Variants in CCDC181 observed in about 807,000 individuals in gnomAD.
CCDC181 encodes coiled-coil domain-containing protein 181.
CCDC181 carries 35 observed loss-of-function variants against 58.7 expected under a neutral mutation model. The ratio of observed to expected loss-of-function variants is 0.60; its 90% CI spans 0.46 to 0.79. CCDC181 has a LOEUF of 0.79. CCDC181 is among the 30% of genes least tolerant of loss of function. The pLI is 0.00. For synonymous variants in CCDC181, 183 were observed against 197.5 expected (o/e 0.93, Z 0.62); for missense variants, 517 against 583.9 (o/e 0.89, Z 1.18).
At chr1:169,424,126 A>C (rs551341892) in intron 2 of CCDC181, among the ~76,000 whole-genome samples, 1 of 152,062 alleles carries the variant, frequency 6.6e-6, no homozygotes, top group East Asian at 1.9e-4. Flanking sequence ...ATACATATGC[A>C]TATATACATA....
intron 4 of CCDC181, among the ~76,000 whole-genome samples, chr1:169,408,453 G>A (rs1655792457): frequency 6.6e-6 from 1 of 152,216 alleles, no homozygotes; most frequent in Non-Finnish European, 1.5e-5. Context: ...GGGGGAAGGG[G>A]TGGCTGCGGG....
At position 169,397,361 on chromosome 1, in the gene CCDC181, GA is replaced by G. The variant is rs1315566219; in HGVS notation, c.1245del (p.Arg416AspfsTer12). 1.2e-6 allele frequency: 2 copies of G among 1,605,618 alleles called. No individual in the cohort carries two copies. On this transcript the variant is annotated frameshift_variant, in exon 5 of 6. Coordinates refer to ENST00000367806, the MANE Select transcript of CCDC181 (RefSeq NM_001300969.2). LOFTEE classifies it high-confidence loss of function. Reference protein sequence around the residue: ...RQENRDPQQAFRLWLKKKHEE... With the variant: ...RQENRDPQQAXRLWLKKKHEE... ...TCGTGCTTTTTTTTAAGCCATAATC[GA>G]AAAGCTTGTTGTGGATCTCTGTTTT...
At chr1:169,434,660 G>A (rs531503357) in intron 2 of CCDC181, among the ~76,000 whole-genome samples, 8 of 148,652 alleles carry the variant, frequency 5.4e-5, no homozygotes, top group African/African-American at 1.5e-4. Context: ...AAGACATTAC[G>A]CTAGGTAAAA....
chr1:169,430,759 G>C (rs1656898055), upstream of CCDC181, among the ~76,000 whole-genome samples: 1 of 152,118 alleles, frequency 6.6e-6, no homozygotes, highest in African/African-American at 2.4e-5. Context: ...CCACAATGTG[G>C]CAACAGGCAT....
At chr1:169,454,375 G>T (rs758606862) in intron 2 of CCDC181, 2 of 152,000 alleles carry the variant, frequency 1.3e-5, no homozygotes, top group Admixed American at 6.6e-5. Flanking sequence ...ACTCAAAAAA[G>T]ATTTTACAAA....
At position 169,395,068 on chromosome 1, in the gene CCDC181, A is replaced by G. The variant is rs1051288646; in HGVS notation, c.1509T>C (p.Arg503=). Residue 503 remains arginine (R), a synonymous_variant, in exon 6 of 6, where the codon CGT becomes CGC. Coordinates refer to ENST00000367806, the MANE Select transcript of CCDC181 (RefSeq NM_001300969.2). ...HLYMSEAKPF[R]FTDHYN is the part of the protein sequence containing the mutation. ...ACTTTCAGTTATAATGATCAGTAAA[A>G]CGAAAAGGTTTGGCTTCTGACATAT... 2 of 1,598,824 alleles carry G rather than the reference A, an allele frequency of 1.3e-6. No homozygotes were observed. The highest frequency in any genetic ancestry group is 1.4e-5 in the African/African-American group (1 of 74,018).
intron 5 of CCDC181, among the ~76,000 whole-genome samples, 196 bp downstream of exon 5, chr1:169,397,041 T>TAA (rs561830042): frequency 2.7e-5 from 4 of 150,832 alleles, no homozygotes; most frequent in Non-Finnish European, 5.9e-5. Flanking sequence ...TATATATATA[T>TAA]AACTCCATAT....
intron 4 of CCDC181, among the ~76,000 whole-genome samples, chr1:169,404,598 A>C (rs142598747): frequency 0.12 from 18,909 of 152,116 alleles, 1,221 homozygotes; most frequent in Admixed American, 0.14. Context: ...AGGCCTTCGA[A>C]AAAATTCAAC....
intron 3 of CCDC181, 28 bp downstream of exon 3, chr1:169,421,335 T>A (rs774040549): frequency 1.3e-6 from 2 of 1,512,508 alleles, no homozygotes; most frequent in East Asian, 4.5e-5. Context: ...TACTCTACTT[T>A]TAATATAATG....
At chr1:169,424,167 T>C (rs1486699969) in intron 2 of CCDC181, among the ~76,000 whole-genome samples, 6 of 151,932 alleles carry the variant, frequency 3.9e-5, no homozygotes, top group African/African-American at 1.4e-4. Flanking sequence ...ATATACACAT[T>C]ATACACATGT....
chr1:169,454,710 G>A (rs1184054481), intron 2 of CCDC181: 1 of 151,726 alleles, frequency 6.6e-6, no homozygotes, highest in Non-Finnish European at 1.5e-5. Flanking sequence ...AAATTTAAAA[G>A]TATAAAATAA....
intron 2 of CCDC181, among the ~76,000 whole-genome samples, chr1:169,440,409 G>A (rs556264771): frequency 6.6e-6 from 1 of 152,230 alleles, no homozygotes; most frequent in Non-Finnish European, 1.5e-5. Flanking sequence ...AATTCCAATA[G>A]AGAAAGAGTA....
At position 169,422,022 on chromosome 1, in the gene CCDC181, G is replaced by C; in HGVS notation, c.409C>G (p.Leu137Val). ...IMEKIVQANKLLQNQEPVNDK... is the reference protein window; with the variant it reads ...IMEKIVQANKVLQNQEPVNDK... ...TTCACCGGTTCTTGATTCTGTAGAA[G>C]CTTGTTAGCTTGTACAATTTTCTCC... Residue 137 changes from leucine (L) to valine (V), a missense_variant, in exon 3 of 6, where the codon CTT becomes GTT. Physicochemically the swap from Leu to Val is conservative, Grantham distance 32. Coordinates refer to ENST00000367806, the MANE Select transcript of CCDC181 (RefSeq NM_001300969.2). 4 of 1,614,030 alleles carry C rather than the reference G, an allele frequency of 2.5e-6. No homozygotes were observed. The highest frequency in any genetic ancestry group is 2.5e-6 in the Non-Finnish European group (3 of 1,180,006).
chr1:169,448,364 A>G (rs1197503448), intron 2 of CCDC181, among the ~76,000 whole-genome samples: 3 of 152,144 alleles, frequency 2.0e-5, no homozygotes, highest in Non-Finnish European at 4.4e-5. Context: ...CTTACAGGGT[A>G]GATCTGCTTG....
chr1:169,440,028 T>C (rs1571510920), intron 2 of CCDC181, among the ~76,000 whole-genome samples: 1 of 151,392 alleles, frequency 6.6e-6, no homozygotes, highest in Non-Finnish European at 1.5e-5. Flanking sequence ...TGAGCAAGAG[T>C]GGTCTTGGAA....
intron 4 of CCDC181, among the ~76,000 whole-genome samples, chr1:169,400,662 G>T (rs1351147611): frequency 3.9e-5 from 6 of 152,148 alleles, no homozygotes; most frequent in African/African-American, 7.2e-5. Context: ...TCTCAGTAAA[G>T]AAATGGAAAT....
Position 169,424,850 on chromosome 1 carries a change from T to G in CCDC181, c.78A>C (p.Leu26Phe), listed in dbSNP as rs1350725126. ...CATCACTTTTTTCATTTTCATTAAT[T>G]AACCACTCCAGGTCCTTTTCAAAGT... ...EDDFEKDLEW[L>F]INENEKSDAS... The change falls in exon 2 of 6, where the codon TTA becomes TTC. Residue 26 changes from leucine to phenylalanine, a missense_variant. Transcript: ENST00000367806. 1.0e-5 allele frequency: 16 copies of G among 1,606,088 alleles called. No individual in the cohort carries two copies. The East Asian group carries it at 2.7e-4, about 27-fold the overall frequency.
chr1:169,453,801 C>A (rs2101759920), intron 2 of CCDC181, among the ~76,000 whole-genome samples: 1 of 151,264 alleles, frequency 6.6e-6, no homozygotes, highest in Non-Finnish European at 1.5e-5. Flanking sequence ...TACCAGTGGG[C>A]ATCAGAGAGA....
chr1:169,421,739 T>G lies in CCDC181; in HGVS notation c.692A>C (p.Gln231Pro), dbSNP rs1557870515. 1 of 1,614,094 alleles carries G rather than the reference T, an allele frequency of 6.2e-7. No homozygotes were observed. Among genetic ancestry groups the G allele is most frequent in the Non-Finnish European group, 8.5e-7 (1 of 1,180,006 alleles). The change falls in exon 3 of 6, where the codon CAA becomes CCA. Residue 231 changes from glutamine to proline, a missense_variant. Gln to Pro is a moderately conservative substitution (Grantham distance 76, BLOSUM62 -1). Transcript: ENST00000367806. Reference sequence around the variant, plus strand: ...CAAAAACCCCTGACTGGCAATGTCTTGTAAATTCAGAAGTTCAAATTTTCC... The same window carrying G: ...CAAAAACCCCTGACTGGCAATGTCTGGTAAATTCAGAAGTTCAAATTTTCC... ...RDGKFELLNL[Q>P]DIASQGFLPP...
Sources: allele counts gnomAD v4.1 joint callset (sites outside exome capture counted in the v4.1 genomes callset), GRCh38; gene constraint gnomAD v4.1.1; transcripts MANE v1.5; gene names NCBI Gene and HGNC (gene_info 2026-07-23, HGNC 2026-07-21).